The following AMMECR1 variants were observed in gnomAD, a reference collection of about 807,000 sequenced individuals.
The protein encoded by AMMECR1 is AMMECR nuclear protein 1.
Under a neutral mutation model 22.5 loss-of-function variants are expected in AMMECR1, and 3 were observed. The observed-to-expected ratio is 0.13, with a 90% CI of 0.06 to 0.35. The LOEUF (loss-of-function observed/expected upper bound fraction) is 0.35. Among genes scored for constraint, AMMECR1 ranks in the 10% least tolerant of loss-of-function variants. The pLI, the probability that AMMECR1 is intolerant of heterozygous loss-of-function variation, is 1.00. For missense variants in AMMECR1, 235 were observed against 278.7 expected (o/e 0.84, Z 1.12); for synonymous variants, 130 against 116.7 (o/e 1.11, Z -0.74).
intron 1 of AMMECR1, among the ~76,000 whole-genome samples, chrX:110,270,669 A>C (rs992537931): frequency 4.5e-5 from 5 of 112,158 alleles, no homozygotes; most frequent in Non-Finnish European, 7.5e-5. Context: ...GACAAACTAG[A>C]AATGCTGCAT....
At chrX:110,230,420 G>C (rs1363037035) in intron 2 of AMMECR1, among the ~76,000 whole-genome samples, 1 of 112,176 alleles carries the variant, frequency 8.9e-6, no homozygotes, top group East Asian at 2.8e-4. Context: ...AACTCCAACA[G>C]ACCTGAAGCT....
At chrX:110,417,595 A>G (rs1427117298) in intron 2 of AMMECR1, among the ~76,000 whole-genome samples, 2 of 111,563 alleles carry the variant, frequency 1.8e-5, no homozygotes, top group African/African-American at 6.5e-5. Flanking sequence ...TTATCACTTC[A>G]TTTTATACAC....
At chrX:110,222,578 C>T (rs1254073241) in intron 2 of AMMECR1, among the ~76,000 whole-genome samples, 1 of 93,972 alleles carries the variant, frequency 1.1e-5, no homozygotes. Flanking sequence ...CACATGTACC[C>T]TAAAACTTAA....
chrX:110,291,041 T>C (rs1269469171), intron 1 of AMMECR1, among the ~76,000 whole-genome samples: 1 of 111,603 alleles, frequency 9.0e-6, no homozygotes, highest in African/African-American at 3.3e-5. Flanking sequence ...TGCTCTTAAC[T>C]TCCTCACCTT....
chrX:110,292,614 A>G (rs2067914623), intron 1 of AMMECR1, among the ~76,000 whole-genome samples: 1 of 112,468 alleles, frequency 8.9e-6, no homozygotes, highest in African/African-American at 3.2e-5. Context: ...TCAATCTAAA[A>G]AGTCTACACA....
chrX:110,405,273 G>A (rs1358745826), intron 2 of AMMECR1, among the ~76,000 whole-genome samples: 2 of 111,779 alleles, frequency 1.8e-5, no homozygotes, highest in African/African-American at 6.5e-5. Context: ...AAATTGCAAA[G>A]GGAGCTTGTA....
At chrX:110,419,938 C>T (rs2068705096) in intron 2 of AMMECR1, among the ~76,000 whole-genome samples, 2 of 112,176 alleles carry the variant, frequency 1.8e-5, no homozygotes, top group African/African-American at 6.5e-5. Flanking sequence ...CTCATCATAA[C>T]CCAATGACGT....
At chrX:110,432,887 C>T (rs2068808209) in intron 1 of AMMECR1, among the ~76,000 whole-genome samples, 1 of 112,918 alleles carries the variant, frequency 8.9e-6, no homozygotes, top group African/African-American at 3.2e-5. Flanking sequence ...CATGCATCCT[C>T]AGACGCTTCT....
intron 3 of AMMECR1, among the ~76,000 whole-genome samples, chrX:110,206,401 T>A (rs2067422034): frequency 1.8e-5 from 2 of 112,082 alleles, no homozygotes; most frequent in Non-Finnish European, 1.9e-5. Context: ...TTTTTAAAAG[T>A]ACCTTCTCCC....
In AMMECR1 at chrX:110,235,863, A is replaced by G. The variant is rs191702497; in HGVS notation, c.585-19231T>C. On this transcript the variant is annotated intron_variant, in intron 2 of 5. Transcript: ENST00000262844. Reference sequence around the variant, plus strand: ...AGCATTACGAGAAATACCTAATGCAAATGATGAGTTGATGGTGCAGCAAAC... The same window carrying G: ...AGCATTACGAGAAATACCTAATGCAGATGATGAGTTGATGGTGCAGCAAAC... 4.5e-5 allele frequency among the ~76,000 whole-genome samples: 5 copies of G among 111,598 alleles called. No homozygotes were observed. In the East Asian group the frequency reaches 1.4e-3, roughly 31 times the overall value.
chrX:110,208,561 C>G (rs745505356), intron 3 of AMMECR1, among the ~76,000 whole-genome samples: 2 of 111,860 alleles, frequency 1.8e-5, no homozygotes, highest in African/African-American at 6.5e-5. Flanking sequence ...CTATCAGGAA[C>G]AAAAGCCTGC....
intron 1 of AMMECR1, among the ~76,000 whole-genome samples, chrX:110,293,269 G>C (rs2067918195): frequency 9.0e-6 from 1 of 111,714 alleles, no homozygotes; most frequent in Non-Finnish European, 1.9e-5. Context: ...CGTGTGTTTG[G>C]ATTTCACACC....
chrX:110,222,160 G>T lies in AMMECR1; in HGVS notation c.585-5528C>A, dbSNP rs1232552078. On this transcript the variant is annotated intron_variant, in intron 2 of 5. Transcript: ENST00000262844. Reference sequence around the variant, plus strand: ...ACACATGCACACGTATGTTTATTGCGGCATTATTCACAATAGCAAAGACTT... The same window carrying T: ...ACACATGCACACGTATGTTTATTGCTGCATTATTCACAATAGCAAAGACTT... Among the ~76,000 whole-genome samples, 6 of 91,038 alleles carry T rather than the reference G, an allele frequency of 6.6e-5. No individual in the cohort carries two copies. The Admixed American group carries it at 7.6e-4, about 12-fold the overall frequency. The allele number at this position is 91,038 out of a possible 115,157, so 79.1% of individuals were successfully genotyped here. A position where few individuals can be genotyped will look rare whatever the true frequency, so the allele number is the denominator to read the frequency against.
intron 1 of AMMECR1, among the ~76,000 whole-genome samples, chrX:110,292,255 T>C (rs1299540861): frequency 1.8e-5 from 2 of 112,230 alleles, no homozygotes; most frequent in African/African-American, 6.5e-5. Context: ...TGTTTATTGC[T>C]GGTGGGAATG....
chrX:110,355,244 T>G (rs1382037309), intron 2 of AMMECR1, among the ~76,000 whole-genome samples: 1 of 111,771 alleles, frequency 8.9e-6, no homozygotes, highest in Non-Finnish European at 1.9e-5. Flanking sequence ...ACACAATTAT[T>G]TTTTAATTAG....
At chrX:110,204,044 G>A (rs1028486535) in intron 3 of AMMECR1, among the ~76,000 whole-genome samples, 12 of 111,543 alleles carry the variant, frequency 1.1e-4, no homozygotes, top group African/African-American at 2.9e-4. Context: ...AAATAACTAC[G>A]TATATAGCTG....
rs762853399 is a variant in AMMECR1, at chrX:110,299,849, A to C, written c.473+17750T>G. Among the ~76,000 whole-genome samples the C allele has an allele frequency of 3.6e-5, 4 of 111,860 alleles. No homozygotes were observed. In the Admixed American group the frequency reaches 3.8e-4, roughly 11 times the overall value. ...ACTTAGCATAATGTTTTCCAGGTTCACTCATGTTTTGCAAATGGCAGGATT... is the reference window on the plus strand; with the variant it reads ...ACTTAGCATAATGTTTTCCAGGTTCCCTCATGTTTTGCAAATGGCAGGATT... On this transcript the variant is annotated intron_variant, in intron 1 of 5. Coordinates refer to ENST00000262844, the MANE Select transcript of AMMECR1 (RefSeq NM_015365.3).
At chrX:110,290,726 T>C (rs2067903630) in intron 1 of AMMECR1, among the ~76,000 whole-genome samples, 1 of 111,655 alleles carries the variant, frequency 9.0e-6, no homozygotes, top group Non-Finnish European at 1.9e-5. Flanking sequence ...AAATCAGGAA[T>C]TTTTAGGGCA....
rs767436766 is a variant in AMMECR1 at position 110,421,687 on chromosome X, A to G, written c.-148+4971T>C. ...CCAATTTGTCTATTTCAACTCATCG[A>G]TCCTCTTCTTCCACTGGCATGCTAG... is the stretch of plus-strand genomic sequence containing the variant. On this transcript the variant is annotated intron_variant, in intron 2 of 7. Coordinates refer to the AMMECR1 transcript ENST00000372057. Among the ~76,000 whole-genome samples the G allele has an allele frequency of 3.5e-5, 4 of 112,877 alleles. No homozygotes were observed. The South Asian group carries it at 1.5e-3, about 41-fold the overall frequency.
Sources: allele counts gnomAD v4.1 joint callset (sites outside exome capture counted in the v4.1 genomes callset), GRCh38; gene constraint gnomAD v4.1.1; transcripts MANE v1.5; gene names NCBI Gene and HGNC (gene_info 2026-07-23, HGNC 2026-07-21).